Variants in GALNT13 observed in about 807,000 individuals in gnomAD.
The protein encoded by GALNT13 is UDP-GalNAc:polypeptide N-acetylgalactosaminyltransferase 13.
Under a neutral mutation model 64.2 loss-of-function variants are expected in GALNT13, and 28 were observed. That is an observed-to-expected ratio of 0.44 (90% CI 0.32 to 0.60). The LOEUF is 0.60. Ranked by LOEUF, GALNT13 falls within the 20% of genes least tolerant of loss-of-function variation. The pLI is 0.05. For missense variants in GALNT13, 577 were observed against 669.8 expected (o/e 0.86, Z 1.53); for synonymous variants, 214 against 224.6 (o/e 0.95, Z 0.42).
chr2:153,312,123 T>C, the GALNT13 span, among the ~76,000 whole-genome samples: 2 of 152,214 alleles, frequency 1.3e-5, no homozygotes, highest in Admixed American at 6.5e-5. Context: ...TTCAGGTTTA[T>C]GTCATTATTA....
chr2:154,197,110 C>T (rs1464025316), intron 4 of GALNT13, among the ~76,000 whole-genome samples: 1 of 152,006 alleles, frequency 6.6e-6, no homozygotes, highest in Non-Finnish European at 1.5e-5. Flanking sequence ...ATTCCCCCAA[C>T]ATCCTTAAGT....
intron 3 of GALNT13, among the ~76,000 whole-genome samples, chr2:154,064,991 G>A (rs553500191): frequency 6.6e-6 from 1 of 152,206 alleles, no homozygotes; most frequent in Admixed American, 6.5e-5. Flanking sequence ...TTGAGCCACA[G>A]GGGAGCCCAC....
intron 8 of GALNT13, among the ~76,000 whole-genome samples, chr2:154,267,979 C>T (rs922731663): frequency 6.6e-6 from 1 of 152,062 alleles, no homozygotes; most frequent in African/African-American, 2.4e-5. Context: ...GAAGGCTGAC[C>T]ATGTTGGTGA....
chr2:154,013,700 G>C (rs1167566847), intron 3 of GALNT13, among the ~76,000 whole-genome samples: 1 of 152,198 alleles, frequency 6.6e-6, no homozygotes, highest in Non-Finnish European at 1.5e-5. Flanking sequence ...ACATCAGCGA[G>C]GGCGCAGTGC....
chr2:153,227,520 T>G, the GALNT13 span, among the ~76,000 whole-genome samples: 11 of 152,182 alleles, frequency 7.2e-5, no homozygotes, highest in African/African-American at 2.7e-4. Flanking sequence ...GGCAAAGAAT[T>G]ACGGTAATGT....
chr2:154,250,916 A>G (rs1174491883), intron 7 of GALNT13, among the ~76,000 whole-genome samples: 1 of 152,126 alleles, frequency 6.6e-6, no homozygotes, highest in Admixed American at 6.5e-5. Flanking sequence ...AAAGACTGAA[A>G]GAAATAACTA....
intron 9 of GALNT13, among the ~76,000 whole-genome samples, chr2:154,367,931 T>C (rs184673580): frequency 3.3e-5 from 5 of 152,288 alleles, no homozygotes; most frequent in Admixed American, 2.6e-4. Context: ...TAAAGTATGA[T>C]TTATGATAAT....
intron 4 of GALNT13, among the ~76,000 whole-genome samples, chr2:154,224,539 TAA>T (rs1373973202): frequency 3.4e-4 from 51 of 152,098 alleles, no homozygotes; most frequent in Non-Finnish European, 4.4e-5. Context: ...AAAGATAGTA[TAA>T]AGTTTTATAA....
At chr2:154,361,825 G>A (rs1574160348) in intron 9 of GALNT13, among the ~76,000 whole-genome samples, 1 of 152,006 alleles carries the variant, frequency 6.6e-6, no homozygotes, top group Non-Finnish European at 1.5e-5. Context: ...TCAGTCTTGG[G>A]CAGTGATTTC....
At chr2:153,736,530 C>T in the GALNT13 span, among the ~76,000 whole-genome samples, 1 of 152,138 alleles carries the variant, frequency 6.6e-6, no homozygotes, top group South Asian at 2.1e-4. Flanking sequence ...GTTCCTTGTG[C>T]CCTGTCAATG....
chr2:153,424,647 T>C, the GALNT13 span, among the ~76,000 whole-genome samples: 1 of 151,874 alleles, frequency 6.6e-6, no homozygotes, highest in Non-Finnish European at 1.5e-5. Context: ...TCTCCTATTA[T>C]CTGTGGTAGC....
the GALNT13 span, among the ~76,000 whole-genome samples, chr2:153,157,882 G>C: frequency 6.6e-6 from 1 of 152,006 alleles, no homozygotes; most frequent in Non-Finnish European, 1.5e-5. Context: ...TTTCCTGAGT[G>C]AATCTATAAA....
At chr2:153,795,270 G>A in the GALNT13 span, among the ~76,000 whole-genome samples, 1 of 152,238 alleles carries the variant, frequency 6.6e-6, no homozygotes, top group Non-Finnish European at 1.5e-5. Flanking sequence ...GAAATCTGCT[G>A]AAAATAGAGT....
At chr2:153,133,944 TG>T in the GALNT13 span, among the ~76,000 whole-genome samples, 1 of 152,206 alleles carries the variant, frequency 6.6e-6, no homozygotes, top group Non-Finnish European at 1.5e-5. Context: ...ATTGACAGAA[TG>T]TCTGGGTGTT....
the GALNT13 span, among the ~76,000 whole-genome samples, chr2:153,445,423 G>A: frequency 6.6e-6 from 1 of 152,124 alleles, no homozygotes; most frequent in African/African-American, 2.4e-5. Context: ...TGTCACCCAG[G>A]CTGGAGTGCA....
At chr2:153,779,177 C>CTTT in the GALNT13 span, among the ~76,000 whole-genome samples, 1 of 148,834 alleles carries the variant, frequency 6.7e-6, no homozygotes, top group African/African-American at 2.5e-5. Context: ...TATATCTTTC[C>CTTT]TTTTTTTTTT....
intron 9 of GALNT13, among the ~76,000 whole-genome samples, chr2:154,330,319 C>A (rs186365121): frequency 1.2e-3 from 182 of 152,198 alleles, no homozygotes; most frequent in Non-Finnish European, 1.8e-3. Context: ...TAGTATAACA[C>A]CCTCAATGAA....
chr2:153,751,977 C>G, the GALNT13 span, among the ~76,000 whole-genome samples: 4 of 151,530 alleles, frequency 2.6e-5, no homozygotes, highest in African/African-American at 9.7e-5. Flanking sequence ...TCTTGCTTCT[C>G]ATTTTTTGTG....
chr2:154,152,707 T>C (rs1684122275), intron 4 of GALNT13, among the ~76,000 whole-genome samples: 1 of 152,214 alleles, frequency 6.6e-6, no homozygotes, highest in Admixed American at 6.5e-5. Context: ...ATACTCTTTC[T>C]TCCAGTTGAT....
Sources: allele counts gnomAD v4.1 joint callset (sites outside exome capture counted in the v4.1 genomes callset), GRCh38; gene constraint gnomAD v4.1.1; transcripts MANE v1.5; gene names NCBI Gene and HGNC (gene_info 2026-07-23, HGNC 2026-07-21).